The following NELL2 variants were observed in gnomAD, a reference collection of about 807,000 sequenced individuals.
NELL2 encodes the protein protein kinase C-binding protein NELL2.
NELL2 carries 41 observed loss-of-function variants against 109.6 expected under a neutral mutation model. That is an observed-to-expected ratio of 0.37 (90% CI 0.29 to 0.49). The LOEUF (loss-of-function observed/expected upper bound fraction) is 0.49, where lower values mean the gene tolerates loss of function less well. NELL2 is among the 20% of genes least tolerant of loss of function. The pLI is 0.98. For synonymous variants in NELL2, 355 were observed against 344.7 expected (o/e 1.03, Z -0.33); for missense variants, 900 against 1,008.3 (o/e 0.89, Z 1.45).
At chr12:44,889,100 C>A (rs1278056155) in intron 1 of NELL2, among the ~76,000 whole-genome samples, 2 of 151,900 alleles carry the variant, frequency 1.3e-5, no homozygotes, top group African/African-American at 4.9e-5. Context: ...GTTGTTGTGA[C>A]CTTAAACTAT....
chr12:44,739,688 C>T (rs148675488), intron 9 of NELL2, among the ~76,000 whole-genome samples: 3,448 of 152,154 alleles, frequency 0.023, 122 homozygotes, highest in African/African-American at 0.076. Flanking sequence ...GTCAGCAGTT[C>T]GGGACCAGCC....
At chr12:44,743,482 C>T (rs1481703683) in intron 9 of NELL2, among the ~76,000 whole-genome samples, 5 of 144,192 alleles carry the variant, frequency 3.5e-5, no homozygotes, top group African/African-American at 7.8e-5. Context: ...GGGCTAAATG[C>T]CCCAATTAAA....
chr12:44,642,020 C>G (rs1001093962), intron 13 of NELL2, among the ~76,000 whole-genome samples: 1 of 152,026 alleles, frequency 6.6e-6, no homozygotes, highest in Admixed American at 6.6e-5. Flanking sequence ...TTTGGAGTCA[C>G]AATTTTCTCC....
At chr12:44,585,308 A>G (rs1448554883) in intron 15 of NELL2, among the ~76,000 whole-genome samples, 2 of 152,192 alleles carry the variant, frequency 1.3e-5, no homozygotes, top group Non-Finnish European at 2.9e-5. Flanking sequence ...AATGTCCACT[A>G]ATAAAATAAG....
chr12:44,586,061 T>C (rs1199178644), intron 15 of NELL2, among the ~76,000 whole-genome samples: 1 of 151,834 alleles, frequency 6.6e-6, no homozygotes. Context: ...TACTACTTAC[T>C]ACAAGATGGA....
intron 2 of NELL2, among the ~76,000 whole-genome samples, chr12:44,850,635 A>C (rs971222855): frequency 6.6e-6 from 1 of 152,200 alleles, no homozygotes; most frequent in African/African-American, 2.4e-5. Flanking sequence ...ATACTAAAAC[A>C]GTTATGTAGG....
intron 1 of NELL2, among the ~76,000 whole-genome samples, chr12:44,891,476 C>T (rs1421204326): frequency 1.3e-5 from 2 of 152,186 alleles, no homozygotes; most frequent in Non-Finnish European, 2.9e-5. Context: ...TGCTGGAGCT[C>T]GGACCCAATG....
Position 44,574,649 on chromosome 12 carries a change from A to T in NELL2, c.1663+32520T>A, listed in dbSNP as rs142746390. Among the ~76,000 whole-genome samples the T allele has an allele frequency of 9.6e-4, 146 of 152,332 alleles. 6 individuals carry two copies. The East Asian group carries it at 0.028, about 29-fold the overall frequency. On this transcript the variant is annotated intron_variant, in intron 15 of 19. Coordinates refer to ENST00000429094, the MANE Select transcript of NELL2 (RefSeq NM_001145108.2). ...TAGTCTTATTTTGTGCCAATATAAG[A>T]TGATATTTATAGCAATATTACAAAT... is the stretch of plus-strand genomic sequence containing the variant.
chr12:44,757,784 T>C (rs1304168471), intron 9 of NELL2, among the ~76,000 whole-genome samples: 2 of 152,096 alleles, frequency 1.3e-5, no homozygotes, highest in Non-Finnish European at 2.9e-5. Context: ...TTTATAATAG[T>C]GAAACCTGGA....
chr12:44,826,302 A>C (rs1186667776), intron 2 of NELL2, among the ~76,000 whole-genome samples: 1 of 152,218 alleles, frequency 6.6e-6, no homozygotes, highest in African/African-American at 2.4e-5. Context: ...CAGACATAGA[A>C]TGGTTGACTT....
chr12:44,528,188 A>C (rs980371690), intron 16 of NELL2, among the ~76,000 whole-genome samples: 1 of 151,070 alleles, frequency 6.6e-6, no homozygotes, highest in African/African-American at 2.4e-5. Context: ...AATCTTTATA[A>C]ATTTTATTGG....
intron 15 of NELL2, among the ~76,000 whole-genome samples, chr12:44,576,408 T>G (rs1305011104): frequency 6.6e-6 from 1 of 152,232 alleles, no homozygotes; most frequent in Non-Finnish European, 1.5e-5. Flanking sequence ...GTCTTCCCAG[T>G]GCCTGTCCTA....
chr12:44,560,913 C>T (rs959069382), intron 15 of NELL2, among the ~76,000 whole-genome samples: 5 of 152,052 alleles, frequency 3.3e-5, no homozygotes, highest in South Asian at 2.1e-4. Context: ...CCAGTGAACC[C>T]GGATGCAAAA....
Position 44,876,077 on chromosome 12 carries a change from C to T in NELL2, c.-208G>A. On this transcript the variant is annotated 5_prime_UTR_variant, in exon 1 of 20. Coordinates refer to ENST00000429094, the MANE Select transcript of NELL2 (RefSeq NM_001145108.2). ...TGAAGAACTTAGACCCTCCAATGCG[C>T]ACATCATTCCCACACGCAGGGCCGA... 2 of 1,403,396 alleles carry T rather than the reference C, an allele frequency of 1.4e-6. No homozygotes were observed. The allele number at this position is 1,403,396 out of a possible 1,614,324, so 86.9% of individuals were successfully genotyped here.
intron 2 of NELL2, among the ~76,000 whole-genome samples, chr12:44,822,323 C>T (rs1401273114): frequency 6.6e-6 from 1 of 152,106 alleles, no homozygotes; most frequent in Non-Finnish European, 1.5e-5. Flanking sequence ...CCAACAATGG[C>T]CATAACACCC....
chr12:44,864,419 C>G (rs1325552228), intron 2 of NELL2, among the ~76,000 whole-genome samples: 1 of 151,960 alleles, frequency 6.6e-6, no homozygotes, highest in Non-Finnish European at 1.5e-5. Context: ...AACAGGATAG[C>G]TATACTTACA....
At chr12:44,793,304 G>A (rs939358183) in intron 3 of NELL2, among the ~76,000 whole-genome samples, 6 of 152,142 alleles carry the variant, frequency 3.9e-5, no homozygotes, top group African/African-American at 1.4e-4. Flanking sequence ...CAGCCAGAGA[G>A]TCCCTTTTAT....
chr12:44,589,199 G>A (rs762818528), intron 15 of NELL2, among the ~76,000 whole-genome samples: 7 of 151,452 alleles, frequency 4.6e-5, no homozygotes, highest in Non-Finnish European at 8.8e-5. Flanking sequence ...GCCTACTGTT[G>A]AAAATTCTTT....
intron 16 of NELL2, among the ~76,000 whole-genome samples, chr12:44,531,561 T>C (rs1378684670): frequency 6.6e-6 from 1 of 152,180 alleles, no homozygotes; most frequent in Non-Finnish European, 1.5e-5. Context: ...AAAACTCTGC[T>C]CAAGCTCCAG....
Sources: allele counts gnomAD v4.1 joint callset (sites outside exome capture counted in the v4.1 genomes callset), GRCh38; gene constraint gnomAD v4.1.1; transcripts MANE v1.5; gene names NCBI Gene and HGNC (gene_info 2026-07-23, HGNC 2026-07-21).